Variants in PDXDC1 observed in about 807,000 individuals in gnomAD.
PDXDC1 encodes the protein pyridoxal-dependent decarboxylase domain-containing protein 1.
PDXDC1 carries 42 observed loss-of-function variants against 100.1 expected under a neutral mutation model. That is an observed-to-expected ratio of 0.42 (90% CI 0.33 to 0.54). The LOEUF is 0.54. Ranked by LOEUF, PDXDC1 falls within the 20% of genes least tolerant of loss-of-function variation. The pLI is 0.10. For missense variants in PDXDC1, 636 were observed against 979.2 expected, an observed-to-expected ratio of 0.65 and a Z score of 4.68; for synonymous variants, 260 against 371.7, an observed-to-expected ratio of 0.70 and a Z score of 3.46.
chr16:15,077,039 G>T, intron 16 of PDXDC1, among the ~76,000 whole-genome samples: 1 of 151,094 alleles, frequency 6.6e-6, no homozygotes, highest in East Asian at 1.9e-4. Flanking sequence ...GAATACAATG[G>T]CAAGATCTCG....
chr16:14,981,292 G>A (rs566744957), intron 1 of PDXDC1, among the ~76,000 whole-genome samples: 146 of 152,352 alleles, frequency 9.6e-4, no homozygotes, highest in African/African-American at 3.1e-3. Context: ...CGATTTGATC[G>A]CTCCCTAACA....
At chr16:15,150,066 G>C in the PDXDC1 span, among the ~76,000 whole-genome samples, 1 of 151,972 alleles carries the variant, frequency 6.6e-6, no homozygotes, top group South Asian at 2.1e-4. Flanking sequence ...ACATTTAAAA[G>C]ACAGGCGGTG....
intron 16 of PDXDC1, chr16:15,130,910 G>A: frequency 2.8e-6 from 2 of 710,806 alleles, no homozygotes; most frequent in East Asian, 2.7e-5. Flanking sequence ...AGGAGCCTCT[G>A]CACCAGAGCT....
chr16:15,136,158 G>A lies in PDXDC1; in HGVS notation c.1400-2721G>A, dbSNP rs530895740. On this transcript the variant is annotated intron_variant, in intron 16 of 16. Coordinates refer to the PDXDC1 transcript ENST00000535621. ...TGGGGGCGGGTGTGGGATGCCAGGG[G>A]GCTCAGGGCACTCCTCCATCCTCCC... is the stretch of plus-strand genomic sequence containing the variant. 5.3e-6 allele frequency: 6 copies of A among 1,135,348 alleles called. No individual in the cohort carries two copies. The African/African-American group carries it at 9.0e-5, about 17-fold the overall frequency. 70.3% of individuals were successfully genotyped at this position (1,135,348 alleles called of 1,614,324 possible).
chr16:15,132,936 G>T, intron 16 of PDXDC1: 3 of 1,578,282 alleles, frequency 1.9e-6, no homozygotes, highest in Non-Finnish European at 2.6e-6. Flanking sequence ...GAGGCCAGCA[G>T]ATGCCCACGA....
chr16:15,071,003 G>C, intron 16 of PDXDC1: 1 of 805,338 alleles, frequency 1.2e-6, no homozygotes, highest in Non-Finnish European at 2.0e-6. Context: ...ACAGAGTAGG[G>C]ATTTTATTCA....
intron 16 of PDXDC1, among the ~76,000 whole-genome samples, chr16:15,046,255 C>T (rs2044056525): frequency 6.6e-6 from 1 of 152,252 alleles, no homozygotes; most frequent in African/African-American, 2.4e-5. Flanking sequence ...TCCCAGAGAA[C>T]TCTCTCTTTC....
chr16:15,104,764 G>A (rs752675438), intron 16 of PDXDC1: 6 of 1,595,608 alleles, frequency 3.8e-6, no homozygotes, highest in Admixed American at 3.3e-5. Context: ...CTGACCTGTA[G>A]GGCCAAAGGA....
At position 15,038,273 on chromosome 16, in the gene PDXDC1, A is replaced by T; in HGVS notation, c.*1998A>T. The T allele has an allele frequency of 4.4e-6, 5 of 1,144,362 alleles. No individual in the cohort carries two copies. The highest frequency in any genetic ancestry group is 6.4e-6 in the Non-Finnish European group (5 of 786,172). 70.9% of individuals were successfully genotyped at this position (1,144,362 alleles called of 1,614,324 possible). On this transcript the variant is annotated 3_prime_UTR_variant, in exon 23 of 23. Coordinates refer to ENST00000396410, the MANE Select transcript of PDXDC1 (RefSeq NM_015027.4). ...CTTACTGTCCCCTGCTGTGATAAAG[A>T]TGTCAAAGTATCTTTGTTCTTGGAC...
At chr16:15,141,482 TG>T, downstream of PDXDC1, among the ~76,000 whole-genome samples, 1 of 152,274 alleles carries the variant, frequency 6.6e-6, no homozygotes, top group African/African-American at 2.4e-5. Context: ...AGGGCACGGT[TG>T]GGGGTGCAGT....
intron 16 of PDXDC1, chr16:15,130,313 C>G (rs1486925630): frequency 6.5e-7 from 1 of 1,543,560 alleles, no homozygotes. Context: ...CCAGGGGCAG[C>G]AGCCCCTCTG....
At chr16:15,019,463 C>G (rs1043404124) in intron 12 of PDXDC1, among the ~76,000 whole-genome samples, 14 of 152,282 alleles carry the variant, frequency 9.2e-5, no homozygotes, top group Admixed American at 9.2e-4. Flanking sequence ...TATAATTATG[C>G]TATATTTCAG....
chr16:15,147,986 GTTT>G, the PDXDC1 span, among the ~76,000 whole-genome samples: 6 of 151,024 alleles, frequency 4.0e-5, no homozygotes, highest in African/African-American at 7.3e-5. Context: ...CGCCCACCCT[GTTT>G]TTTTGTTTTG....
At chr16:14,980,211 A>G (rs1426891742) in intron 1 of PDXDC1, among the ~76,000 whole-genome samples, 15 of 152,282 alleles carry the variant, frequency 9.9e-5, no homozygotes, top group Non-Finnish European at 1.6e-4. Context: ...TTGCTCCACT[A>G]TATCTAGGAT....
intron 16 of PDXDC1, chr16:15,094,227 C>G: frequency 1.3e-6 from 2 of 1,588,732 alleles, no homozygotes; most frequent in Non-Finnish European, 1.7e-6. Flanking sequence ...AGCAGCGGTG[C>G]CGCCATTGGG....
At chr16:15,130,733 G>C (rs774097582) in intron 16 of PDXDC1, 12 of 1,455,416 alleles carry the variant, frequency 8.2e-6, no homozygotes, top group African/African-American at 4.1e-5. Context: ...CATTGGGCCG[G>C]GGCTCCGAGT....
chr16:15,047,911 G>T (rs2044140609), intron 16 of PDXDC1: 1 of 1,613,178 alleles, frequency 6.2e-7, no homozygotes, highest in Admixed American at 1.7e-5. Flanking sequence ...ACCCAGAATG[G>T]AGATGGAGCC....
chr16:15,016,878 G>T (rs28412131), intron 9 of PDXDC1, among the ~76,000 whole-genome samples: 36,210 of 146,632 alleles, frequency 0.25, 2,025 homozygotes, highest in East Asian at 0.47. Flanking sequence ...TGAAAGAGAA[G>T]AATACTCCCA....
At chr16:15,010,954 A>C (rs1444668929) in intron 8 of PDXDC1, among the ~76,000 whole-genome samples, 3 of 152,300 alleles carry the variant, frequency 2.0e-5, no homozygotes, top group Non-Finnish European at 4.4e-5. Flanking sequence ...CAAGAACGAT[A>C]TGCCATACAC....
Sources: allele counts gnomAD v4.1 joint callset (sites outside exome capture counted in the v4.1 genomes callset), GRCh38; gene constraint gnomAD v4.1.1; transcripts MANE v1.5; gene names NCBI Gene and HGNC (gene_info 2026-07-23, HGNC 2026-07-21).